The following ZFP64 variants were observed in gnomAD, a reference collection of about 807,000 sequenced individuals.
ZFP64 encodes zinc finger protein 64.
Under a neutral mutation model 51.6 loss-of-function variants are expected in ZFP64, and 14 were observed. The observed-to-expected ratio is 0.27, with a 90% CI of 0.18 to 0.42. The LOEUF is 0.42. Ranked by LOEUF, ZFP64 falls within the 10% of genes least tolerant of loss-of-function variation. ZFP64 has a pLI of 1.00. For synonymous variants in ZFP64, 375 were observed against 361.4 expected (o/e 1.04, Z -0.43); for missense variants, 754 against 906.8 (o/e 0.83, Z 2.16).
Position 52,151,407 on chromosome 20 carries a change from A to C in ZFP64, c.*739T>G. 1.0e-6 allele frequency: 1 copy of C among 985,404 alleles called. No homozygotes were observed. Among genetic ancestry groups the C allele is most frequent in the Non-Finnish European group, 1.2e-6 (1 of 829,928 alleles). 61.0% of individuals were successfully genotyped at this position (985,404 alleles called of 1,614,324 possible). ...AATGGTCCTTCATGCCAACAGACTT[A>C]CATGTATAAAACATGAACACCCCCA... On this transcript the variant is annotated 3_prime_UTR_variant, in exon 6 of 6. Coordinates refer to ENST00000216923, the MANE Select transcript of ZFP64 (RefSeq NM_018197.3).
chr20:52,084,158 T>C (rs2078839293), exon 9 of ZFP64: 2 of 190,778 alleles, frequency 1.0e-5, no homozygotes, highest in Admixed American at 1.1e-4. Context: ...CTTCCTCACT[T>C]TAACCCTTTC....
chr20:52,101,205 C>T (rs1484824761), intron 5 of ZFP64, among the ~76,000 whole-genome samples: 1 of 152,154 alleles, frequency 6.6e-6, no homozygotes, highest in East Asian at 1.9e-4. Context: ...CTGCAGTAGT[C>T]CTACTCCCAA....
intron 5 of ZFP64, among the ~76,000 whole-genome samples, chr20:52,139,169 C>T (rs1391996180): frequency 6.6e-6 from 1 of 152,128 alleles, no homozygotes; most frequent in Non-Finnish European, 1.5e-5. Flanking sequence ...CTCAGCAATC[C>T]CATTAATACA....
At chr20:52,144,595 A>AAAAAAAAAAAAAAAAAAAAAAAAAAAC (rs1980429036) in intron 5 of ZFP64, among the ~76,000 whole-genome samples, 2 of 148,798 alleles carry the variant, frequency 1.3e-5, no homozygotes, top group Non-Finnish European at 3.0e-5. Context: ...AAAAAAAAAA[A>AAAAAAAAAAAAAAAAAAAAAAAAAAAC]AAAAAAATGC....
intron 1 of ZFP64, among the ~76,000 whole-genome samples, chr20:52,188,784 A>G (rs1030966524): frequency 6.6e-6 from 1 of 151,948 alleles, no homozygotes; most frequent in Non-Finnish European, 1.5e-5. Context: ...CATCCTGGCT[A>G]ACATGGTGAA....
At chr20:52,179,938 A>C (rs571065542) in intron 2 of ZFP64, among the ~76,000 whole-genome samples, 3 of 152,344 alleles carry the variant, frequency 2.0e-5, no homozygotes, top group African/African-American at 7.2e-5. Context: ...ATAGGCAAAG[A>C]AGTAATGTCA....
chr20:52,187,243 A>T (rs1254754138), intron 1 of ZFP64, among the ~76,000 whole-genome samples, 172 bp from the exon 2 acceptor site: 1 of 152,198 alleles, frequency 6.6e-6, no homozygotes, highest in Non-Finnish European at 1.5e-5. Context: ...GTGCCCTAGC[A>T]GCAAGGTATC....
chr20:52,112,315 G>A (rs780958911), intron 5 of ZFP64, among the ~76,000 whole-genome samples: 1 of 152,116 alleles, frequency 6.6e-6, no homozygotes, highest in African/African-American at 2.4e-5. Context: ...TGATAATGGA[G>A]TAAGAGTTAT....
At chr20:52,109,906 C>T (rs1320751628) in intron 5 of ZFP64, among the ~76,000 whole-genome samples, 4 of 152,002 alleles carry the variant, frequency 2.6e-5, no homozygotes, top group African/African-American at 9.7e-5. Context: ...GGAATCATGG[C>T]CAAACATGCA....
downstream of ZFP64, among the ~76,000 whole-genome samples, chr20:52,148,663 G>A (rs6021748): frequency 6.6e-6 from 1 of 150,868 alleles, no homozygotes; most frequent in East Asian, 1.9e-4. Flanking sequence ...ATCGCGCCAC[G>A]GCACTCCAGG....
intron 1 of ZFP64, among the ~76,000 whole-genome samples, chr20:52,190,528 G>A (rs1441300578): frequency 2.0e-5 from 3 of 152,002 alleles, no homozygotes; most frequent in African/African-American, 7.3e-5. Flanking sequence ...GATGGTGCTC[G>A]TACCAGCACA....
chr20:52,099,004 C>CAAAAAA, intron 5 of ZFP64, among the ~76,000 whole-genome samples: 1 of 63,762 alleles, frequency 1.6e-5, no homozygotes, highest in African/African-American at 7.0e-5. Context: ...TCTGTCTTTA[C>CAAAAAA]CAAAAAAAAA....
At chr20:52,102,887 T>C (rs753468120) in intron 5 of ZFP64, among the ~76,000 whole-genome samples, 6 of 152,222 alleles carry the variant, frequency 3.9e-5, no homozygotes, top group Non-Finnish European at 7.3e-5. Flanking sequence ...CTATTAGTGT[T>C]ATTCACTGAT....
At chr20:52,183,006 GC>G (rs771032162) in intron 2 of ZFP64, among the ~76,000 whole-genome samples, 2 of 152,094 alleles carry the variant, frequency 1.3e-5, no homozygotes, top group Non-Finnish European at 2.9e-5. Flanking sequence ...TTGAGAAAAT[GC>G]CTTTAAGTCC....
intron 5 of ZFP64, among the ~76,000 whole-genome samples, chr20:52,123,084 G>A (rs189244493): frequency 1.3e-5 from 2 of 152,008 alleles, no homozygotes; most frequent in Admixed American, 6.6e-5. Context: ...TCCACCTCCT[G>A]GGTTCAGGTG....
At chr20:52,088,293 C>T (rs750944548) in intron 8 of ZFP64, 22 of 1,526,854 alleles carry the variant, frequency 1.4e-5, no homozygotes, top group Non-Finnish European at 1.9e-5. Flanking sequence ...TGTACTTCTA[C>T]CACACCAAGT....
intron 5 of ZFP64, among the ~76,000 whole-genome samples, chr20:52,126,388 C>T (rs1979446736): frequency 1.3e-5 from 2 of 152,182 alleles, no homozygotes; most frequent in Admixed American, 6.5e-5. Flanking sequence ...TTTGCTTAAC[C>T]ATTACCCTCT....
intron 5 of ZFP64, among the ~76,000 whole-genome samples, chr20:52,123,878 G>C (rs774349436): frequency 6.4e-4 from 97 of 150,872 alleles, no homozygotes; most frequent in Non-Finnish European, 1.1e-3. Context: ...TTCTTTTTTG[G>C]GGGGGGGAGG....
At chr20:52,157,873 CAT>C (rs1366654731) in intron 5 of ZFP64, among the ~76,000 whole-genome samples, 6 of 152,168 alleles carry the variant, frequency 3.9e-5, no homozygotes, top group Non-Finnish European at 7.4e-5. Flanking sequence ...CCTGTGTCCA[CAT>C]GTTCTCATTG....
Sources: allele counts gnomAD v4.1 joint callset (sites outside exome capture counted in the v4.1 genomes callset), GRCh38; gene constraint gnomAD v4.1.1; transcripts MANE v1.5; gene names NCBI Gene and HGNC (gene_info 2026-07-23, HGNC 2026-07-21).